Variants in CASD1 observed in about 807,000 individuals in gnomAD.
CASD1 encodes the protein CAS1 domain sialic acid O acetyltransferase 1.
Under a neutral mutation model 100.0 loss-of-function variants are expected in CASD1, and 41 were observed. The observed-to-expected ratio is 0.41, with a 90% CI of 0.32 to 0.53. The LOEUF is 0.53. Ranked by LOEUF, CASD1 falls within the 20% of genes least tolerant of loss-of-function variation. CASD1 has a pLI of 0.25. For synonymous variants in CASD1, 321 were observed against 315.6 expected, an observed-to-expected ratio of 1.02 and a Z score of -0.18; for missense variants, 774 against 948.7, an observed-to-expected ratio of 0.82 and a Z score of 2.42.
At chr7:94,622,732 A>C in the CASD1 span, 1 of 152,114 alleles carries the variant, frequency 6.6e-6, no homozygotes, top group African/African-American at 2.4e-5. Context: ...CCTTATCCCT[A>C]ACCTTCAAAA....
intron 1 of CASD1, among the ~76,000 whole-genome samples, chr7:94,516,165 C>A (rs77206091): frequency 6.7e-6 from 1 of 149,410 alleles, no homozygotes; most frequent in Non-Finnish European, 1.5e-5. Flanking sequence ...AAAAAAAAAA[C>A]TGCTCAAGCC....
chr7:94,555,811 T>A lies in CASD1; in HGVS notation c.*53T>A. 6.6e-7 allele frequency: 1 copy of A among 1,523,266 alleles called. No individual in the cohort carries two copies. Among genetic ancestry groups the A allele is most frequent in the Non-Finnish European group, 8.9e-7 (1 of 1,128,170 alleles). The allele number at this position is 1,523,266 out of a possible 1,614,324, so 94.4% of individuals were successfully genotyped here. On this transcript the variant is annotated 3_prime_UTR_variant, in exon 18 of 18. Coordinates refer to ENST00000297273, the MANE Select transcript of CASD1 (RefSeq NM_022900.5). ...TCTTCAGGCTACCTTTGTGTGTCTC[T>A]AGAAGAGAAAAGCATCTATCTGGAG...
chr7:94,587,180 T>C, the CASD1 span: 1 of 985,108 alleles, frequency 1.0e-6, no homozygotes, highest in African/African-American at 1.7e-5. Flanking sequence ...TAGGCATAAA[T>C]TGTCCTTGTA....
rs1185714653 is a variant in CASD1, at chr7:94,535,343, G to A, written c.663G>A (p.Arg221=). 6.2e-7 allele frequency: 1 copy of A among 1,613,142 alleles called. No homozygotes were observed. The highest frequency in any genetic ancestry group is 8.5e-7 in the Non-Finnish European group (1 of 1,179,488). Residue 221 remains arginine (R), a synonymous_variant, in exon 8 of 18, where the codon AGG becomes AGA. Transcript: ENST00000297273. ...ATGAAGATCTATTAAGTGAAAATAG[G>A]AAGATGATCACTAATGAGAAGATAG... ...PVYEDLLSEN[R]KMITNEKIDA... is the part of the protein sequence containing the mutation.
intron 3 of CASD1, among the ~76,000 whole-genome samples, chr7:94,526,624 CA>C (rs1407046011): frequency 6.6e-6 from 1 of 152,082 alleles, no homozygotes; most frequent in Non-Finnish European, 1.5e-5. Context: ...CCCGTCGCTA[CA>C]AAAAATTTTT....
At chr7:94,548,182 T>G (rs1584429232) in intron 13 of CASD1, among the ~76,000 whole-genome samples, 1 of 151,774 alleles carries the variant, frequency 6.6e-6, no homozygotes, top group East Asian at 1.9e-4. Flanking sequence ...AGGTTCAATA[T>G]AAGGATTAAG....
rs369381013 is a variant in CASD1, at chr7:94,545,008, T to TA, written c.1476+479dup. Among the ~76,000 whole-genome samples the TA allele has an allele frequency of 5.1e-3, 779 of 152,232 alleles. 6 individuals are homozygous for TA. Among genetic ancestry groups the TA allele is most frequent in the African/African-American group, 0.018 (741 of 41,562 alleles). ...TTGCCCAAGGTCACATAGTAAGTGG[T>TA]ACAGCACTAGTAAAAATCTGCTGAA... On this transcript the variant is annotated intron_variant, in intron 11 of 17. Transcript: ENST00000297273.
At chr7:94,617,201 T>C in the CASD1 span, 4 of 152,228 alleles carry the variant, frequency 2.6e-5, no homozygotes, top group African/African-American at 7.2e-5. Flanking sequence ...AATGTTCTAT[T>C]GGCAATTTTC....
At chr7:94,543,437 C>T (rs1432573597) in intron 10 of CASD1, among the ~76,000 whole-genome samples, 2 of 151,908 alleles carry the variant, frequency 1.3e-5, no homozygotes, top group Non-Finnish European at 1.5e-5. Flanking sequence ...GTAGATCACC[C>T]GAGGTCAGGA....
At chr7:94,608,110 G>A in the CASD1 span, among the ~76,000 whole-genome samples, 1 of 152,176 alleles carries the variant, frequency 6.6e-6, no homozygotes, top group East Asian at 1.9e-4. Flanking sequence ...TTTGCAGGCC[G>A]AGGCAGGTGG....
the CASD1 span, chr7:94,629,165 A>C: frequency 6.6e-6 from 1 of 152,274 alleles, no homozygotes; most frequent in Non-Finnish European, 1.5e-5. Flanking sequence ...TATCTTCATT[A>C]ACTTGATGGC....
At chr7:94,516,687 CTT>C (rs1019744059) in intron 1 of CASD1, among the ~76,000 whole-genome samples, 1 of 151,332 alleles carries the variant, frequency 6.6e-6, no homozygotes, top group Non-Finnish European at 1.5e-5. Context: ...TCCAAACTCT[CTT>C]TTAACCCCTT....
At chr7:94,554,425 T>C (rs1210647023) in intron 16 of CASD1, 58 bp from the exon 17 acceptor site, 4 of 1,137,616 alleles carry the variant, frequency 3.5e-6, no homozygotes. Flanking sequence ...GAAAGCTTTA[T>C]ACAAAATACT....
intron 1 of CASD1, among the ~76,000 whole-genome samples, chr7:94,515,052 ATAG>A (rs780164126): frequency 2.6e-5 from 4 of 152,192 alleles, no homozygotes; most frequent in African/African-American, 7.2e-5. Flanking sequence ...TCAGGTTATA[ATAG>A]TAGTAGTAAT....
At chr7:94,588,442 CTTAA>C in the CASD1 span, 1 of 1,306,498 alleles carries the variant, frequency 7.7e-7, no homozygotes, top group Non-Finnish European at 9.8e-7. Flanking sequence ...TTCAGTCTTC[CTTAA>C]TTAGACAGGA....
At chr7:94,613,028 A>G in the CASD1 span, among the ~76,000 whole-genome samples, 2 of 152,192 alleles carry the variant, frequency 1.3e-5, no homozygotes, top group African/African-American at 4.8e-5. Context: ...ACAGCCCCTT[A>G]ATGGTGCTCC....
chr7:94,519,426 C>T (rs1794142094), intron 3 of CASD1, among the ~76,000 whole-genome samples: 1 of 152,010 alleles, frequency 6.6e-6, no homozygotes, highest in Non-Finnish European at 1.5e-5. Flanking sequence ...AACTTAAGAG[C>T]CTTCACAGCT....
intron 8 of CASD1, among the ~76,000 whole-genome samples, chr7:94,537,213 T>C (rs1416266299): frequency 6.6e-6 from 1 of 152,260 alleles, no homozygotes; most frequent in Admixed American, 6.5e-5. Flanking sequence ...GGATAGGTAT[T>C]GTTTCCTGTA....
the CASD1 span, among the ~76,000 whole-genome samples, chr7:94,570,819 A>C: frequency 6.6e-6 from 1 of 152,146 alleles, no homozygotes; most frequent in Non-Finnish European, 1.5e-5. Flanking sequence ...AATCATGTAG[A>C]AAATTAAAAG....
Sources: allele counts gnomAD v4.1 joint callset (sites outside exome capture counted in the v4.1 genomes callset), GRCh38; gene constraint gnomAD v4.1.1; transcripts MANE v1.5; gene names NCBI Gene and HGNC (gene_info 2026-07-23, HGNC 2026-07-21).